Variants in DIAPH2 observed in about 807,000 individuals in gnomAD.
DIAPH2 encodes protein diaphanous homolog 2.
A neutral mutation model predicts 92.7 loss-of-function variants in DIAPH2; 35 were observed. That is an observed-to-expected ratio of 0.38 (90% CI 0.29 to 0.50). DIAPH2 has a LOEUF of 0.50. DIAPH2 is among the 20% of genes least tolerant of loss of function. The pLI is 0.94. For missense variants in DIAPH2, 701 were observed against 819.5 expected, an observed-to-expected ratio of 0.86 and a Z score of 1.77; for synonymous variants, 301 against 280.4, an observed-to-expected ratio of 1.07 and a Z score of -0.73.
intron 26 of DIAPH2, among the ~76,000 whole-genome samples, chrX:97,567,391 T>A (rs917081162): frequency 1.8e-5 from 2 of 112,335 alleles, no homozygotes; most frequent in African/African-American, 6.5e-5. Flanking sequence ...AGCTACTCAA[T>A]AGCTCTTTCT....
At chrX:97,118,868 C>T (rs1306183775) in intron 21 of DIAPH2, among the ~76,000 whole-genome samples, 2 of 112,294 alleles carry the variant, frequency 1.8e-5, no homozygotes, top group Admixed American at 9.4e-5. Context: ...TTGTCAATTA[C>T]TAGCCAAATT....
chrX:97,456,603 G>T (rs1341577968), intron 26 of DIAPH2, among the ~76,000 whole-genome samples: 2 of 111,434 alleles, frequency 1.8e-5, no homozygotes, highest in Non-Finnish European at 1.9e-5. Flanking sequence ...TTGGGACTGT[G>T]CCTCTCCTAA....
intron 4 of DIAPH2, among the ~76,000 whole-genome samples, chrX:96,845,792 C>CT (rs951073653): frequency 1.4e-4 from 15 of 110,745 alleles, no homozygotes; most frequent in African/African-American, 4.6e-4. Context: ...GAATTTTTTT[C>CT]TTTTTTTGAA....
intron 5 of DIAPH2, among the ~76,000 whole-genome samples, chrX:96,894,649 G>A (rs2065331082): frequency 9.0e-6 from 1 of 111,505 alleles, no homozygotes. Context: ...ATATGCTTTG[G>A]ATCTTCAAAA....
chrX:97,413,975 G>T (rs186476954), intron 25 of DIAPH2, among the ~76,000 whole-genome samples: 24 of 112,031 alleles, frequency 2.1e-4, no homozygotes, highest in African/African-American at 7.5e-4. Context: ...TGGCCATACT[G>T]CCCAAGGTAA....
intron 1 of DIAPH2, among the ~76,000 whole-genome samples, chrX:96,688,526 G>A (rs766480200): frequency 5.2e-4 from 58 of 110,821 alleles, no homozygotes; most frequent in South Asian, 1.2e-3. Context: ...TTGTAGAGAC[G>A]GGGTTTCACC....
At chrX:97,455,628 G>C (rs1032864435) in intron 26 of DIAPH2, among the ~76,000 whole-genome samples, 1 of 112,222 alleles carries the variant, frequency 8.9e-6, no homozygotes, top group Non-Finnish European at 1.9e-5. Context: ...TATTACAATT[G>C]AAGCACAGTT....
chrX:96,938,044 A>AT (rs1347173178), intron 11 of DIAPH2, among the ~76,000 whole-genome samples: 1 of 110,904 alleles, frequency 9.0e-6, no homozygotes, highest in Non-Finnish European at 1.9e-5. Context: ...TTTGAGTTGG[A>AT]TTTTTTCTCA....
intron 1 of DIAPH2, among the ~76,000 whole-genome samples, chrX:96,731,635 ACT>A (rs1421101329): frequency 9.0e-6 from 1 of 111,419 alleles, no homozygotes; most frequent in African/African-American, 3.3e-5. Flanking sequence ...TACAATAATG[ACT>A]CTTGCATTGC....
chrX:97,342,271 C>T (rs966210146), intron 23 of DIAPH2, among the ~76,000 whole-genome samples: 3 of 112,007 alleles, frequency 2.7e-5, no homozygotes, highest in African/African-American at 9.7e-5. Context: ...TTTAAGTACT[C>T]AAGTCAGCCC....
intron 23 of DIAPH2, among the ~76,000 whole-genome samples, chrX:97,323,546 G>C (rs1481703009): frequency 1.3e-5 from 1 of 79,002 alleles, no homozygotes; most frequent in Non-Finnish European, 2.4e-5. Context: ...AGCCGAGATC[G>C]CACCATTGCA....
At chrX:97,068,783 T>C (rs1445563893) in intron 17 of DIAPH2, among the ~76,000 whole-genome samples, 1 of 112,290 alleles carries the variant, frequency 8.9e-6, no homozygotes, top group Non-Finnish European at 1.9e-5. Context: ...AATTCTTATA[T>C]TTGTATGTTA....
At chrX:97,076,858 G>A (rs918514020) in intron 19 of DIAPH2, among the ~76,000 whole-genome samples, 2 of 110,871 alleles carry the variant, frequency 1.8e-5, no homozygotes, top group Admixed American at 1.9e-4. Flanking sequence ...TCTTTTTCAT[G>A]TATCTGTATA....
At position 97,044,339 on chromosome X, in the gene DIAPH2, C is replaced by T. The variant is rs1235945040; in HGVS notation, c.2051-28602C>T. On this transcript the variant is annotated intron_variant, in intron 17 of 26. Coordinates refer to ENST00000324765, the MANE Select transcript of DIAPH2 (RefSeq NM_006729.5). ...TGCTTGTTAACATAGCTATTTCTCA[C>T]GTTTTCTCTTCTTCAACTTCTTTCA... Among the ~76,000 whole-genome samples, 9 of 110,550 alleles carry T rather than the reference C, an allele frequency of 8.1e-5. No homozygotes were observed. The Admixed American group carries it at 8.7e-4, about 11-fold the overall frequency.
chrX:96,909,494 G>A (rs1301979250), intron 5 of DIAPH2, among the ~76,000 whole-genome samples: 1 of 110,895 alleles, frequency 9.0e-6, no homozygotes. Flanking sequence ...GGTGGTGCTG[G>A]CAAGAGAAAA....
rs2071592582 is a variant in DIAPH2, at chrX:97,601,110, A to G, written c.*1793A>G. ...TGTTTTTTAACAACAACAAAAGTTT[A>G]GGTTCTAATTTATGTAAATACCTAG... On this transcript the variant is annotated 3_prime_UTR_variant, in exon 27 of 27. Coordinates refer to ENST00000324765, the MANE Select transcript of DIAPH2 (RefSeq NM_006729.5). The G allele has an allele frequency of 8.9e-6, 1 of 112,534 alleles. No individual in the cohort carries two copies. Among genetic ancestry groups the G allele is most frequent in the African/African-American group, 3.2e-5 (1 of 30,986 alleles). The allele number at this position is 112,534 out of a possible 1,213,427, so 9.3% of individuals were successfully genotyped here.
intron 22 of DIAPH2, among the ~76,000 whole-genome samples, chrX:97,185,858 T>C (rs1037428897): frequency 4.5e-5 from 5 of 109,928 alleles, no homozygotes; most frequent in African/African-American, 1.7e-4. Flanking sequence ...CAATGCCTTA[T>C]ACATTGTAGG....
chrX:97,435,167 CTT>C (rs2147781295), intron 26 of DIAPH2, among the ~76,000 whole-genome samples: 1 of 111,644 alleles, frequency 9.0e-6, no homozygotes, highest in East Asian at 2.8e-4. Context: ...TTTCTAATGA[CTT>C]TTTGAAGAGC....
chrX:97,543,046 C>T (rs1056788943), intron 26 of DIAPH2, among the ~76,000 whole-genome samples: 3 of 112,307 alleles, frequency 2.7e-5, no homozygotes, highest in Admixed American at 9.5e-5. Flanking sequence ...TCATTGTTCA[C>T]GATTCTGCAA....
Sources: gnomAD v4.1 joint callset for allele counts (sites outside exome capture counted in the v4.1 genomes callset) on GRCh38, gnomAD v4.1.1 for gene constraint, MANE v1.5 for transcripts, NCBI Gene and HGNC (gene_info 2026-07-23, HGNC 2026-07-21) for gene names.